AKR1E2: variants seen among roughly 807,000 people sequenced by gnomAD.
AKR1E2 encodes aldo-keto reductase family 1 member E2.
A neutral mutation model predicts 41.9 loss-of-function variants in AKR1E2; 43 were observed. The observed-to-expected ratio is 1.03, with a 90% CI of 0.80 to 1.32. The LOEUF is 1.32. AKR1E2 is among the 40% of genes most tolerant of loss of function. The pLI is 0.00. For synonymous variants in AKR1E2, 121 were observed against 138.9 expected (o/e 0.87, Z 0.91); for missense variants, 423 against 396.5 (o/e 1.07, Z -0.57).
chr10:4,841,869 G>C lies in AKR1E2; in HGVS notation c.753+12G>C, dbSNP rs1171791988. Reference sequence around the variant, plus strand: ...AGTCTCCTGCTCAGGTAGGGAGGGAGGGCTGTTCTGAGCCAGGTGGGGTTC... The same window carrying C: ...AGTCTCCTGCTCAGGTAGGGAGGGACGGCTGTTCTGAGCCAGGTGGGGTTC... On this transcript the variant is annotated intron_variant, in intron 7 of 9. Coordinates refer to ENST00000298375, the MANE Select transcript of AKR1E2 (RefSeq NM_001040177.3). The C allele has an allele frequency of 6.2e-7, 1 of 1,611,554 alleles. No homozygotes were observed. Among genetic ancestry groups the C allele is most frequent in the East Asian group, 2.2e-5 (1 of 44,834 alleles).
chr10:4,845,192 G>A (rs1388210721), intron 8 of AKR1E2, among the ~76,000 whole-genome samples: 1 of 152,190 alleles, frequency 6.6e-6, no homozygotes, highest in Admixed American at 6.5e-5. Context: ...GGCCAGCAGG[G>A]CTTGCCAGCC....
chr10:4,867,666 G>A, the AKR1E2 span, among the ~76,000 whole-genome samples: 3 of 152,158 alleles, frequency 2.0e-5, no homozygotes, highest in South Asian at 2.1e-4. Context: ...CAAAGATAAC[G>A]CCATTCATCC....
At chr10:4,858,661 T>G in the AKR1E2 span, among the ~76,000 whole-genome samples, 29 of 152,094 alleles carry the variant, frequency 1.9e-4, no homozygotes, top group East Asian at 4.1e-3. Flanking sequence ...GCTTTTACAA[T>G]GTTCTATATG....
At chr10:4,869,484 A>AT in the AKR1E2 span, among the ~76,000 whole-genome samples, 57 of 151,094 alleles carry the variant, frequency 3.8e-4, no homozygotes, top group East Asian at 7.8e-4. Flanking sequence ...TCTTTGCTTC[A>AT]TTTTTTTTCT....
Position 4,833,395 on chromosome 10 carries a change from A to C in AKR1E2, c.253A>C (p.Arg85=). 6.2e-7 allele frequency: 1 copy of C among 1,614,222 alleles called. No individual in the cohort carries two copies. Among genetic ancestry groups the C allele is most frequent in the Non-Finnish European group, 8.5e-7 (1 of 1,180,040 alleles). The change falls in exon 3 of 10, where the codon AGA becomes CGA. Residue 85 remains arginine (R), a synonymous_variant. Coordinates refer to ENST00000298375, the MANE Select transcript of AKR1E2 (RefSeq NM_001040177.3). ...HKKSLVETAC[R]KSLKALKLNY... ...GAAGTCCTTGGTGGAAACAGCATGC[A>C]GAAAGAGTCTCAAGGCCTTGAAGCT...
chr10:4,864,648 A>G, the AKR1E2 span, among the ~76,000 whole-genome samples: 5 of 152,320 alleles, frequency 3.3e-5, no homozygotes, highest in African/African-American at 9.6e-5. Context: ...GTATTCAATT[A>G]GGAAAAGAGG....
At chr10:4,854,957 G>C in the AKR1E2 span, among the ~76,000 whole-genome samples, 51 of 152,146 alleles carry the variant, frequency 3.4e-4, no homozygotes, top group Non-Finnish European at 6.2e-4. Flanking sequence ...TGCCCTCTTT[G>C]CTGATGGCTA....
At chr10:4,872,208 C>G in the AKR1E2 span, among the ~76,000 whole-genome samples, 2 of 152,162 alleles carry the variant, frequency 1.3e-5, no homozygotes, top group African/African-American at 4.8e-5. Context: ...AGGAGATAAA[C>G]TATTTGTGTT....
downstream of AKR1E2, among the ~76,000 whole-genome samples, chr10:4,849,388 G>A (rs1233922507): frequency 1.3e-5 from 2 of 152,200 alleles, no homozygotes; most frequent in African/African-American, 2.4e-5. Context: ...ACCTAGAGGT[G>A]TTAGGATTCA....
chr10:4,831,876 A>G (rs78041409), intron 2 of AKR1E2, among the ~76,000 whole-genome samples: 5,393 of 152,290 alleles, frequency 0.035, 151 homozygotes, highest in East Asian at 0.11. Flanking sequence ...CTTGTGTTGT[A>G]TATAGGATAT....
chr10:4,847,688 G>C lies in AKR1E2; in HGVS notation c.*158G>C. On this transcript the variant is annotated 3_prime_UTR_variant, in exon 10 of 10. Transcript: ENST00000298375. The stretch of plus-strand genomic sequence containing the variant: ...AAGAGCCACCTTCTCTGACAAATCT[G>C]GAGAATTGAGTGTGTTCTAAGTGAA... 1.3e-6 allele frequency: 1 copy of C among 794,408 alleles called. No individual in the cohort carries two copies. Among genetic ancestry groups the C allele is most frequent in the Non-Finnish European group, 2.1e-6 (1 of 485,804 alleles). 49.2% of individuals were successfully genotyped at this position (794,408 alleles called of 1,614,324 possible).
the AKR1E2 span, among the ~76,000 whole-genome samples, chr10:4,855,299 A>T: frequency 5.9e-5 from 9 of 152,322 alleles, no homozygotes; most frequent in African/African-American, 1.7e-4. Context: ...GTTGGGGCAA[A>T]TCTGATGTGC....
Position 4,841,784 on chromosome 10 carries a change from G to T in AKR1E2, c.681-1G>T, listed in dbSNP as rs771175460. The T allele has an allele frequency of 6.2e-7, 1 of 1,611,312 alleles. No individual in the cohort carries two copies. The highest frequency in any genetic ancestry group is 1.7e-4 in the Middle Eastern group (1 of 6,052). On this transcript the variant is annotated splice_acceptor_variant, in intron 6 of 9. Transcript: ENST00000298375. LOFTEE classifies it high-confidence loss of function. ...CACTCCCCTGTACTGTGTCTCTCTA[G>T]TGAGGGGGTTGACCTGATAGACAAC...
the AKR1E2 span, among the ~76,000 whole-genome samples, chr10:4,865,720 A>G: frequency 6.6e-6 from 1 of 152,162 alleles, no homozygotes; most frequent in Admixed American, 6.5e-5. Flanking sequence ...TCTCCTAGAG[A>G]TAATCGGTAT....
chr10:4,849,010 C>T (rs12415438), downstream of AKR1E2, among the ~76,000 whole-genome samples: 2 of 152,194 alleles, frequency 1.3e-5, no homozygotes, highest in Non-Finnish European at 2.9e-5. Context: ...CCCTGCCCAG[C>T]CTTCCAGATG....
intron 8 of AKR1E2, among the ~76,000 whole-genome samples, chr10:4,843,025 C>T (rs17133747): frequency 0.035 from 5,301 of 152,230 alleles, 147 homozygotes; most frequent in East Asian, 0.11. Flanking sequence ...ACAGGTGGAG[C>T]GTGTGCAGAA....
At chr10:4,826,186 G>T, upstream of AKR1E2, 1 of 596,534 alleles carries the variant, frequency 1.7e-6, no homozygotes, top group Non-Finnish European at 2.5e-6. Context: ...CATGCTTCCA[G>T]CCATTGTCGG....
downstream of AKR1E2, among the ~76,000 whole-genome samples, chr10:4,848,485 GGGATTCATACC>G (rs1171859945): frequency 2.8e-4 from 42 of 152,334 alleles, 1 homozygote; most frequent in African/African-American, 1.0e-3. Flanking sequence ...CCTGTGCCCT[GGGATTCATACC>G]GGATCTCCAG....
At chr10:4,853,125 C>T in the AKR1E2 span, among the ~76,000 whole-genome samples, 1 of 152,170 alleles carries the variant, frequency 6.6e-6, no homozygotes, top group East Asian at 1.9e-4. Context: ...ACTATTGTAG[C>T]ATATAGTAAC....
Sources: allele counts gnomAD v4.1 joint callset (sites outside exome capture counted in the v4.1 genomes callset), GRCh38; gene constraint gnomAD v4.1.1; transcripts MANE v1.5; gene names NCBI Gene and HGNC (gene_info 2026-07-23, HGNC 2026-07-21).